The following IRAK2 variants were observed in gnomAD, a reference collection of about 807,000 sequenced individuals.
The protein encoded by IRAK2 is interleukin-1 receptor-associated kinase-like 2.
In IRAK2, 57 loss-of-function variants were observed where a neutral mutation model predicts 72.0. That is an observed-to-expected ratio of 0.79 (90% CI 0.64 to 0.99). The LOEUF is 0.99. IRAK2 is among the 50% of genes least tolerant of loss of function. IRAK2 has a pLI of 0.00. For synonymous variants in IRAK2, 293 were observed against 312.7 expected (o/e 0.94, Z 0.67); for missense variants, 790 against 794.4 (o/e 0.99, Z 0.07).
At position 10,219,706 on chromosome 3, in the gene IRAK2, C is replaced by G; in HGVS notation, c.930C>G (p.Pro310=). The change falls in exon 8 of 13, where the codon CCC becomes CCG. Residue 310 remains proline (P), a synonymous_variant. Transcript: ENST00000256458. The part of the protein sequence containing the change: ...GQGGSDPLPW[P]QRVSICSGLL... ...GTGGCTCGGACCCCCTCCCCTGGCCCCAGCGTGTCAGCATCTGCTCAGGGC... is the reference window on the plus strand; with the variant it reads ...GTGGCTCGGACCCCCTCCCCTGGCCGCAGCGTGTCAGCATCTGCTCAGGGC... 1 of 1,613,436 alleles carries G rather than the reference C, an allele frequency of 6.2e-7. No individual in the cohort carries two copies. Among genetic ancestry groups the G allele is most frequent in the Non-Finnish European group, 8.5e-7 (1 of 1,179,720 alleles).
In IRAK2 at chr3:10,238,978, C is replaced by T. The variant is rs977839741; in HGVS notation, c.1704C>T (p.Ile568=). 5.0e-6 allele frequency: 8 copies of T among 1,613,776 alleles called. No homozygotes were observed. The African/African-American group carries it at 5.3e-5, about 11-fold the overall frequency. ...ATGGGGAAGGAAGGCTGCGGGTCAT[C>T]GTGGGAAGGGAGGCTGACTCCTCCT... is the stretch of plus-strand genomic sequence containing the variant. ...TENGEGRLRV[I]VGREADSSSE... is the part of the protein sequence containing the mutation. Residue 568 remains isoleucine, a synonymous_variant, in exon 12 of 13, where the codon ATC becomes ATT. Transcript: ENST00000256458.
intron 2 of IRAK2, among the ~76,000 whole-genome samples, chr3:10,184,891 G>A (rs1177300518): frequency 1.4e-5 from 2 of 139,998 alleles, no homozygotes; most frequent in Admixed American, 7.0e-5. Context: ...CACCATGCCC[G>A]GCTATTTTTT....
intron 11 of IRAK2, among the ~76,000 whole-genome samples, chr3:10,234,972 A>C (rs1037608047): frequency 5.5e-4 from 83 of 152,232 alleles, no homozygotes; most frequent in Middle Eastern, 6.8e-3. Flanking sequence ...TGTTCTCTGG[A>C]GGGAACGGCT....
intron 10 of IRAK2, 63 bp downstream of exon 10, chr3:10,226,496 G>T: frequency 1.5e-6 from 2 of 1,323,216 alleles, no homozygotes; most frequent in Non-Finnish European, 2.2e-6. Flanking sequence ...TGTAGAGAGG[G>T]CAACGACCTC....
intron 1 of IRAK2, among the ~76,000 whole-genome samples, chr3:10,166,036 C>CAAGA (rs1261184132): frequency 1.3e-5 from 2 of 152,084 alleles, no homozygotes; most frequent in Non-Finnish European, 2.9e-5. Flanking sequence ...GCCTCCGGAA[C>CAAGA]TCTTGATCTC....
At chr3:10,228,861 G>A (rs576369527) in intron 10 of IRAK2, among the ~76,000 whole-genome samples, 2 of 152,248 alleles carry the variant, frequency 1.3e-5, no homozygotes, top group South Asian at 2.1e-4. Flanking sequence ...CCTCTGACAC[G>A]GCAGTTCCAT....
At chr3:10,208,787 T>G (rs547327349) in intron 3 of IRAK2, among the ~76,000 whole-genome samples, 94 of 151,956 alleles carry the variant, frequency 6.2e-4, no homozygotes, top group African/African-American at 2.2e-3. Flanking sequence ...AAAAAAATCT[T>G]TTGTAGAAAC....
At chr3:10,194,508 A>G (rs1697234023) in intron 2 of IRAK2, among the ~76,000 whole-genome samples, 1 of 152,234 alleles carries the variant, frequency 6.6e-6, no homozygotes, top group African/African-American at 2.4e-5. Context: ...AGCTTGTCAC[A>G]GCCCTTTCTT....
chr3:10,241,567 A>ATAAATAAATAAATAAC (rs1698061397), intron 12 of IRAK2, among the ~76,000 whole-genome samples: 1 of 18,682 alleles, frequency 5.4e-5, no homozygotes, highest in African/African-American at 3.2e-4. Flanking sequence ...TCAACAAATG[A>ATAAATAAATAAATAAC]TAAATAAATA....
chr3:10,189,408 C>T (rs1575963051), intron 2 of IRAK2, among the ~76,000 whole-genome samples: 2 of 152,190 alleles, frequency 1.3e-5, no homozygotes, highest in South Asian at 2.1e-4. Flanking sequence ...GAAGGGAAGA[C>T]GTTGGAGGGC....
rs544900766 is a variant in IRAK2 at position 10,176,962 on chromosome 3, C to T, written c.95-876C>T. On this transcript the variant is annotated intron_variant, in intron 1 of 12. Coordinates refer to ENST00000256458, the MANE Select transcript of IRAK2 (RefSeq NM_001570.4). Reference sequence around the variant, plus strand: ...GGACTACAGGTGCCCGCCACCACGCCCGGCTAATTTTTCTATTTTTAGTAG... The same window carrying T: ...GGACTACAGGTGCCCGCCACCACGCTCGGCTAATTTTTCTATTTTTAGTAG... 4.6e-5 allele frequency among the ~76,000 whole-genome samples: 7 copies of T among 151,978 alleles called. No homozygotes were observed. In the East Asian group the frequency reaches 1.4e-3, roughly 30 times the overall value.
chr3:10,194,385 A>G (rs1697232101), intron 2 of IRAK2, among the ~76,000 whole-genome samples: 1 of 152,220 alleles, frequency 6.6e-6, no homozygotes, highest in Non-Finnish European at 1.5e-5. Flanking sequence ...GGGAGGAAAG[A>G]GTGCTGTCTT....
Position 10,213,415 on chromosome 3 carries a change from G to A in IRAK2, c.723+14G>A. ...AAGCTCAGAGAGGTGAGCACTTCTT[G>A]GTTTCTAGTGGGGGTGGAGGCTGCA... On this transcript the variant is annotated intron_variant, in intron 5 of 12. Transcript: ENST00000256458. 1.2e-6 allele frequency: 2 copies of A among 1,613,858 alleles called. No homozygotes were observed. The highest frequency in any genetic ancestry group is 1.7e-6 in the Non-Finnish European group (2 of 1,179,814).
In IRAK2 at chr3:10,238,795, G is replaced by A. The variant is rs55875941; in HGVS notation, c.1521G>A (p.Glu507=). The A allele has an allele frequency of 7.7e-4, 1,240 of 1,614,158 alleles. 13 individuals are homozygous for A. In the African/African-American group the frequency reaches 0.014, roughly 19 times the overall value. Residue 507 remains glutamate (E), a synonymous_variant, in exon 12 of 13, where the codon GAG becomes GAA. Transcript: ENST00000256458. ...AAVEERLRGR[E]TLLPWSGLSE... ...TGGAAGAGCGGCTCCGAGGTCGGGA[G>A]ACGTTGCTCCCTTGGAGTGGGCTTT...
In IRAK2 at chr3:10,218,442, A is replaced by C. The variant is rs1332334738; in HGVS notation, c.904-1238A>C. Among the ~76,000 whole-genome samples the C allele has an allele frequency of 1.5e-3, 204 of 134,748 alleles. 4 individuals carry two copies. Among genetic ancestry groups the C allele is most frequent in the African/African-American group, 4.3e-3 (156 of 36,414 alleles). The allele number at this position is 134,748 out of a possible 152,430, so 88.4% of individuals were successfully genotyped here. ...CCGTCTCAAAAAAAAAAAAAAAAAA[A>C]AAACCAAAACGGTGATGATTTAGCC... On this transcript the variant is annotated intron_variant, in intron 7 of 12. Transcript: ENST00000256458.
intron 2 of IRAK2, among the ~76,000 whole-genome samples, chr3:10,196,577 T>TG (rs150262276): frequency 3.8e-3 from 573 of 152,282 alleles, no homozygotes; most frequent in African/African-American, 0.013. Context: ...GCAATCAGGA[T>TG]GGGGGGGTGT....
chr3:10,212,806 C>CCAGGCTGGA (rs1461388720), intron 4 of IRAK2, among the ~76,000 whole-genome samples: 19 of 149,960 alleles, frequency 1.3e-4, no homozygotes, highest in Non-Finnish European at 4.4e-5. Context: ...GCTCTGTCAC[C>CCAGGCTGGA]CAGGCTGGAG....
chr3:10,241,801 CAAAAAAAAAAAAA>C (rs4019566), intron 12 of IRAK2, among the ~76,000 whole-genome samples: 4 of 83,146 alleles, frequency 4.8e-5, no homozygotes, highest in East Asian at 7.5e-4. Context: ...GACTCCATCT[CAAAAAAAAAAAAA>C]AAAAAAAAAA....
chr3:10,177,868 T>C lies in IRAK2; in HGVS notation c.125T>C (p.Leu42Pro). 6.2e-7 allele frequency: 1 copy of C among 1,613,588 alleles called. No homozygotes were observed. The highest frequency in any genetic ancestry group is 8.5e-7 in the Non-Finnish European group (1 of 1,180,028). The change falls in exon 2 of 13, where the codon CTG becomes CCG. Residue 42 changes from leucine to proline, a missense_variant. Coordinates refer to ENST00000256458, the MANE Select transcript of IRAK2 (RefSeq NM_001570.4). ...ASYVITDLTQLRKIKSMERVQ... is the reference protein window; with the variant it reads ...ASYVITDLTQPRKIKSMERVQ... ...TACGTGATCACAGACCTGACCCAGC[T>C]GCGGAAGATCAAGTCCATGGAGCGG...
Sources: gnomAD v4.1 joint callset for allele counts (sites outside exome capture counted in the v4.1 genomes callset) on GRCh38, gnomAD v4.1.1 for gene constraint, MANE v1.5 for transcripts, NCBI Gene and HGNC (gene_info 2026-07-23, HGNC 2026-07-21) for gene names.